ERCC4: variants seen among roughly 807,000 people sequenced by gnomAD.
The protein encoded by ERCC4 is ERCC excision repair 4, endonuclease catalytic subunit.
Under a neutral mutation model 76.9 loss-of-function variants are expected in ERCC4, and 65 were observed. The observed-to-expected ratio is 0.84, with a 90% CI of 0.69 to 1.04. ERCC4 has a LOEUF of 1.04. Ranked by LOEUF, ERCC4 falls within the 50% of genes least tolerant of loss-of-function variation. ERCC4 has a pLI of 0.00. For missense variants in ERCC4, 1,214 were observed against 1,128.2 expected (o/e 1.08, Z -1.09); for synonymous variants, 463 against 410.1 (o/e 1.13, Z -1.56).
In ERCC4 at chr16:13,949,398, T is replaced by C. The variant is rs545772856; in HGVS notation, c.*1051T>C. The C allele has an allele frequency of 4.3e-6, 1 of 233,270 alleles. No homozygotes were observed. Among genetic ancestry groups the C allele is most frequent in the African/African-American group, 2.2e-5 (1 of 45,424 alleles). The allele number at this position is 233,270 out of a possible 1,614,324, so 14.5% of individuals were successfully genotyped here. On this transcript the variant is annotated 3_prime_UTR_variant, in exon 11 of 11. Transcript: ENST00000311895. ...GCCTGGGCGACAGAGTGAGACTTTG[T>C]CTCTATTACAAAAAGAAAAGAAAAG...
At chr16:13,942,082 T>G (rs1370121991) in intron 9 of ERCC4, among the ~76,000 whole-genome samples, 1 of 152,132 alleles carries the variant, frequency 6.6e-6, no homozygotes, top group Admixed American at 6.6e-5. Flanking sequence ...TAAAATAAAT[T>G]TTAATAAAAA....
At position 13,928,252 on chromosome 16, in the gene ERCC4, T is replaced by A; in HGVS notation, c.792+17T>A. ...TTTGACAAGGTACTCTTTTTCCTTT[T>A]AAGCACAGTTTATTATGTTGTAATT... is the stretch of plus-strand genomic sequence containing the variant. On this transcript the variant is annotated intron_variant, in intron 4 of 10. Transcript: ENST00000311895. 1 of 1,498,338 alleles carries A rather than the reference T, an allele frequency of 6.7e-7. No homozygotes were observed. The highest frequency in any genetic ancestry group is 9.3e-7 in the Non-Finnish European group (1 of 1,075,986). The allele number at this position is 1,498,338 out of a possible 1,614,324, so 92.8% of individuals were successfully genotyped here.
In ERCC4 at chr16:13,939,752, G is replaced by C. The variant is rs530871873; in HGVS notation, c.1904+1894G>C. 2.0e-5 allele frequency among the ~76,000 whole-genome samples: 3 copies of C among 152,278 alleles called. No homozygotes were observed. In the East Asian group the frequency reaches 5.8e-4, roughly 29 times the overall value. ...ACCAGTCAGAATGCTAGTGCAGTCT[G>C]ATGGGAGAAGGTGGTAGCCAAGATT... On this transcript the variant is annotated intron_variant, in intron 9 of 10. Coordinates refer to ENST00000311895, the MANE Select transcript of ERCC4 (RefSeq NM_005236.3).
intron 9 of ERCC4, among the ~76,000 whole-genome samples, chr16:13,943,152 T>C (rs2032447681): frequency 6.6e-6 from 1 of 152,264 alleles, no homozygotes; most frequent in African/African-American, 2.4e-5. Context: ...TTCTGTTCTT[T>C]AGTAGTATCT....
Position 13,951,812 on chromosome 16 carries a change from C to G in ERCC4, c.*3465C>G, listed in dbSNP as rs1469207901. 4 of 222,492 alleles carry G rather than the reference C, an allele frequency of 1.8e-5. No individual in the cohort carries two copies. Among genetic ancestry groups the G allele is most frequent in the Non-Finnish European group, 3.6e-5 (4 of 111,370 alleles). The allele number at this position is 222,492 out of a possible 1,614,324, so 13.8% of individuals were successfully genotyped here. A position where few individuals can be genotyped will look rare whatever the true frequency, so the allele number is the denominator to read the frequency against. ...CAAGCATAATTTGATTTTCCTTTGG[C>G]TCAGAAAACTCATTTGGGGAAATTC... On this transcript the variant is annotated 3_prime_UTR_variant, in exon 11 of 11. Coordinates refer to ENST00000311895, the MANE Select transcript of ERCC4 (RefSeq NM_005236.3).
intron 7 of ERCC4, 117 bp from the exon 8 acceptor site, chr16:13,935,029 G>T (rs2032254955): frequency 3.7e-6 from 3 of 813,052 alleles, no homozygotes; most frequent in African/African-American, 3.4e-5. Flanking sequence ...TGTAAATTGT[G>T]GATCTTTAAT....
At chr16:13,920,869 T>C (rs531195383) in intron 1 of ERCC4, among the ~76,000 whole-genome samples, 1 of 148,256 alleles carries the variant, frequency 6.7e-6, no homozygotes, top group Non-Finnish European at 1.5e-5. Flanking sequence ...AAGGATGCAA[T>C]TCCCTGACAA....
chr16:13,926,052 A>G (rs983628486), intron 2 of ERCC4, among the ~76,000 whole-genome samples: 1 of 152,106 alleles, frequency 6.6e-6, no homozygotes, highest in African/African-American at 2.4e-5. Context: ...TCTCATAGGT[A>G]ATGTAGATGT....
At chr16:13,935,881 G>A (rs2032281875) in intron 8 of ERCC4, 138 bp downstream of exon 8, 1 of 761,788 alleles carries the variant, frequency 1.3e-6, no homozygotes, top group South Asian at 1.5e-5. Flanking sequence ...TTTGCTTCCT[G>A]ATGAATCTGG....
intron 9 of ERCC4, among the ~76,000 whole-genome samples, chr16:13,942,774 G>A (rs887106023): frequency 1.3e-5 from 2 of 152,182 alleles, no homozygotes; most frequent in Non-Finnish European, 2.9e-5. Context: ...AGGAAATTGG[G>A]ATGATCCCAT....
chr16:13,921,403 TATATC>T (rs1366455781), intron 1 of ERCC4, among the ~76,000 whole-genome samples: 1 of 152,126 alleles, frequency 6.6e-6, no homozygotes, highest in Non-Finnish European at 1.5e-5. Flanking sequence ...ATCCCCTAGA[TATATC>T]AGGTGGCCGG....
chr16:13,926,833 C>T (rs1370547278), intron 3 of ERCC4, 77 bp downstream of exon 3: 1 of 1,134,570 alleles, frequency 8.8e-7, no homozygotes, highest in Non-Finnish European at 1.3e-6. Context: ...AACTTAGTTG[C>T]ACTTTGATGT....
intron 6 of ERCC4, chr16:13,933,978 A>C: frequency 2.1e-6 from 1 of 484,636 alleles, no homozygotes; most frequent in Admixed American, 3.7e-5. Context: ...CTACCAAGGC[A>C]TTTTGAAAGC....
chr16:13,944,906 C>T, intron 10 of ERCC4, 71 bp downstream of exon 10: 1 of 1,010,676 alleles, frequency 9.9e-7, no homozygotes, highest in Non-Finnish European at 1.6e-6. Flanking sequence ...AGTTACTCTG[C>T]CAAGGCTTGG....
At chr16:13,920,401 G>T (rs763789929) in intron 1 of ERCC4, 29 bp downstream of exon 1, 1 of 1,536,208 alleles carries the variant, frequency 6.5e-7, no homozygotes, top group Admixed American at 1.9e-5. Flanking sequence ...GGGAGTGAGG[G>T]GACTCCGAGA....
chr16:13,926,749 T>A lies in ERCC4; in HGVS notation c.577T>A (p.Trp193Arg). 1.2e-6 allele frequency: 2 copies of A among 1,611,648 alleles called. No homozygotes were observed. Among genetic ancestry groups the A allele is most frequent in the Non-Finnish European group, 1.7e-6 (2 of 1,177,750 alleles). Reference sequence around the variant, plus strand: ...TCTTTTTGTGAGGAAACTGTATCTGTGGCCAAGGTAAAGAACATTATGTGA... The same window carrying A: ...TCTTTTTGTGAGGAAACTGTATCTGAGGCCAAGGTAAAGAACATTATGTGA... ...RNLFVRKLYL[W>R]PRFHVAVNSF... The change falls in exon 3 of 11, where the codon TGG (tryptophan) becomes AGG (arginine). Residue 193 changes from tryptophan (W) to arginine (R), a missense_variant. By Grantham distance (101) the Trp-to-Arg change is moderately radical. Transcript: ENST00000311895.
chr16:13,941,199 C>T (rs908017298), intron 9 of ERCC4, among the ~76,000 whole-genome samples: 1 of 152,132 alleles, frequency 6.6e-6, no homozygotes, highest in Admixed American at 6.5e-5. Context: ...CATTTCAATC[C>T]ATAGAAAAAT....
chr16:13,925,847 T>G (rs957078), intron 2 of ERCC4, among the ~76,000 whole-genome samples: 39,562 of 152,044 alleles, frequency 0.26, 5,439 homozygotes, highest in Middle Eastern at 0.34. Flanking sequence ...ACAATATATA[T>G]GAAAGATCTG....
At chr16:13,935,869 A>G in intron 8 of ERCC4, 126 bp downstream of exon 8, 1 of 817,702 alleles carries the variant, frequency 1.2e-6, no homozygotes, top group East Asian at 2.5e-5. Context: ...ATGAAACCTT[A>G]TTTTGCTTCC....
Sources: allele counts gnomAD v4.1 joint callset (sites outside exome capture counted in the v4.1 genomes callset), GRCh38; gene constraint gnomAD v4.1.1; transcripts MANE v1.5; gene names NCBI Gene and HGNC (gene_info 2026-07-23, HGNC 2026-07-21).